Variants in PARM1 observed in about 807,000 individuals in gnomAD.
PARM1 encodes WSC4, cell wall integrity and stress response component 4 homolog.
PARM1 carries 14 observed loss-of-function variants against 24.6 expected under a neutral mutation model. That is an observed-to-expected ratio of 0.57 (90% CI 0.38 to 0.89). The LOEUF (loss-of-function observed/expected upper bound fraction) is 0.89, where lower values mean the gene tolerates loss of function less well. Among genes scored for constraint, PARM1 ranks in the 40% least tolerant of loss-of-function variants. PARM1 has a pLI of 0.00. For synonymous variants in PARM1, 179 were observed against 156.6 expected, an observed-to-expected ratio of 1.14 and a Z score of -1.07; for missense variants, 362 against 380.4, an observed-to-expected ratio of 0.95 and a Z score of 0.40.
chr4:75,017,522 G>A (rs1265165894), intron 2 of PARM1, among the ~76,000 whole-genome samples: 1 of 152,074 alleles, frequency 6.6e-6, no homozygotes, highest in Non-Finnish European at 1.5e-5. Flanking sequence ...CACCTCCTCA[G>A]CAAGCCTTTA....
intron 2 of PARM1, among the ~76,000 whole-genome samples, chr4:75,013,805 A>G (rs899756128): frequency 6.6e-6 from 1 of 152,362 alleles, no homozygotes; most frequent in Non-Finnish European, 1.5e-5. Context: ...TATTTTCCCA[A>G]TAATTATATG....
At chr4:74,959,727 C>G (rs1188019757) in intron 1 of PARM1, among the ~76,000 whole-genome samples, 1 of 152,130 alleles carries the variant, frequency 6.6e-6, no homozygotes, top group Non-Finnish European at 1.5e-5. Flanking sequence ...AAACTTGTAT[C>G]AACAAGAATA....
At position 74,967,670 on chromosome 4, in the gene PARM1, A is replaced by T. The variant is rs985889545; in HGVS notation, c.43+34300A>T. On this transcript the variant is annotated intron_variant, in intron 1 of 3. Coordinates refer to ENST00000307428, the MANE Select transcript of PARM1 (RefSeq NM_015393.4). ...CATTCTGACTCTTCCAACTCCATAA[A>T]TACATTCTGAAAAGACATGAAAGAA... The T allele has an allele frequency of 2.6e-5, 4 of 152,186 alleles. No individual in the cohort carries two copies. The East Asian group carries it at 7.7e-4, about 29-fold the overall frequency. 9.4% of individuals were successfully genotyped at this position (152,186 alleles called of 1,614,324 possible).
At chr4:75,013,480 A>G (rs892150072) in intron 2 of PARM1, among the ~76,000 whole-genome samples, 1 of 152,242 alleles carries the variant, frequency 6.6e-6, no homozygotes, top group African/African-American at 2.4e-5. Flanking sequence ...TCCTGACCTT[A>G]GACAAGTTAC....
chr4:74,949,328 CT>C (rs900576358), intron 1 of PARM1, among the ~76,000 whole-genome samples: 1 of 151,882 alleles, frequency 6.6e-6, no homozygotes, highest in African/African-American at 2.4e-5. Context: ...GGTCAGTTTT[CT>C]TTTTTTTGAG....
rs939870272 is a variant in PARM1 at position 74,983,996 on chromosome 4, T to A, written c.44-28429T>A. Reference sequence around the variant, plus strand: ...TGGCAACATAGCAAGACCCCATCTGTAAAAATTGCCTCAGCCATCCAAGTA... The same window carrying A: ...TGGCAACATAGCAAGACCCCATCTGAAAAAATTGCCTCAGCCATCCAAGTA... On this transcript the variant is annotated intron_variant, in intron 1 of 3. Transcript: ENST00000307428. Among the ~76,000 whole-genome samples the A allele has an allele frequency of 3.3e-5, 5 of 152,226 alleles. No homozygotes were observed. The East Asian group carries it at 9.6e-4, about 29-fold the overall frequency.
intron 1 of PARM1, among the ~76,000 whole-genome samples, chr4:75,010,970 A>T (rs1254661046): frequency 6.6e-6 from 1 of 152,202 alleles, no homozygotes; most frequent in South Asian, 2.1e-4. Flanking sequence ...TGATGCCCTC[A>T]TGGAGCTTTA....
At chr4:75,008,262 TGTAAAGTTCTTTAAATAAGTACTCA>T (rs1401520876) in intron 1 of PARM1, among the ~76,000 whole-genome samples, 3 of 152,240 alleles carry the variant, frequency 2.0e-5, no homozygotes, top group Non-Finnish European at 2.9e-5. Flanking sequence ...TGAACTTGGC[TGTAAAGTTCTTTAAATAAGTACTCA>T]GTAGATAGCT....
Position 75,012,830 on chromosome 4 carries a change from C to G in PARM1, c.449C>G (p.Ser150Cys). 1 of 1,613,972 alleles carries G rather than the reference C, an allele frequency of 6.2e-7. No individual in the cohort carries two copies. Among genetic ancestry groups the G allele is most frequent in the Non-Finnish European group, 8.5e-7 (1 of 1,179,870 alleles). Reference protein sequence around the residue: ...QSAAEPPTLISPQAPASSPSS... With the variant: ...QSAAEPPTLICPQAPASSPSS... ...GCTGCTGAGCCTCCCACACTCATCT[C>G]CCCTCAAGCTCCAGCCTCATCACCC... is the stretch of plus-strand genomic sequence containing the variant. The change falls in exon 2 of 4, where the codon TCC (serine) becomes TGC (cysteine). Residue 150 changes from serine to cysteine, a missense_variant. Coordinates refer to ENST00000307428, the MANE Select transcript of PARM1 (RefSeq NM_015393.4).
intron 1 of PARM1, among the ~76,000 whole-genome samples, chr4:75,003,470 T>C (rs906038604): frequency 1.3e-5 from 2 of 152,204 alleles, no homozygotes; most frequent in Admixed American, 1.3e-4. Flanking sequence ...ATTGAGTCAT[T>C]CACCAGGTCT....
chr4:75,035,056 C>G (rs997687432), intron 3 of PARM1, among the ~76,000 whole-genome samples: 1 of 152,138 alleles, frequency 6.6e-6, no homozygotes, highest in Non-Finnish European at 1.5e-5. Context: ...CCAGACCCTG[C>G]AATCTTGCTA....
chr4:74,948,941 G>C (rs1265909574), intron 1 of PARM1, among the ~76,000 whole-genome samples: 1 of 152,058 alleles, frequency 6.6e-6, no homozygotes, highest in Non-Finnish European at 1.5e-5. Flanking sequence ...AGAATCGCTT[G>C]AACCCAGGAG....
At chr4:75,031,053 C>T (rs895255609) in intron 2 of PARM1, among the ~76,000 whole-genome samples, 7 of 152,222 alleles carry the variant, frequency 4.6e-5, no homozygotes, top group African/African-American at 1.7e-4. Context: ...ACTGTGATGC[C>T]CTCAGGTGTG....
At chr4:75,008,765 T>C (rs1373633857) in intron 1 of PARM1, among the ~76,000 whole-genome samples, 1 of 152,186 alleles carries the variant, frequency 6.6e-6, no homozygotes, top group East Asian at 1.9e-4. Context: ...AATTCTTGAA[T>C]GAATGAATGA....
At chr4:74,959,183 A>G (rs1291649145) in intron 1 of PARM1, among the ~76,000 whole-genome samples, 1 of 152,234 alleles carries the variant, frequency 6.6e-6, no homozygotes, top group Non-Finnish European at 1.5e-5. Flanking sequence ...TAGACACTAG[A>G]GATCTAGATT....
At chr4:74,988,992 A>C (rs538567204) in intron 1 of PARM1, among the ~76,000 whole-genome samples, 26 of 152,308 alleles carry the variant, frequency 1.7e-4, no homozygotes, top group African/African-American at 6.3e-4. Context: ...AGAGTTGCTG[A>C]AACTTTAGAA....
intron 2 of PARM1, among the ~76,000 whole-genome samples, chr4:75,026,613 A>G (rs1438799105): frequency 6.6e-6 from 1 of 152,172 alleles, no homozygotes; most frequent in Non-Finnish European, 1.5e-5. Flanking sequence ...TCCCCAAACT[A>G]TCAAGCCCAA....
At chr4:74,933,541 C>T (rs980119841) in intron 1 of PARM1, among the ~76,000 whole-genome samples, 171 bp downstream of exon 1, 3 of 152,132 alleles carry the variant, frequency 2.0e-5, no homozygotes, top group Non-Finnish European at 4.4e-5. Flanking sequence ...TTGGCGGTCC[C>T]GAACCGTACT....
At chr4:74,968,312 A>G (rs1412615540) in intron 1 of PARM1, among the ~76,000 whole-genome samples, 2 of 152,244 alleles carry the variant, frequency 1.3e-5, no homozygotes, top group Admixed American at 6.5e-5. Flanking sequence ...AAAAAATTAT[A>G]TCATTTGAAA....
Sources: gnomAD v4.1 joint callset for allele counts (sites outside exome capture counted in the v4.1 genomes callset) on GRCh38, gnomAD v4.1.1 for gene constraint, MANE v1.5 for transcripts, NCBI Gene and HGNC (gene_info 2026-07-23, HGNC 2026-07-21) for gene names.